The following CYP46A1 variants were observed in gnomAD, a reference collection of about 807,000 sequenced individuals.
CYP46A1 encodes the protein cholesterol 24-hydroxylase.
In CYP46A1, 20 loss-of-function variants were observed where a neutral mutation model predicts 63.3. The ratio of observed to expected loss-of-function variants is 0.32; its 90% CI spans 0.22 to 0.46. The LOEUF (loss-of-function observed/expected upper bound fraction) is 0.46. Ranked by LOEUF, CYP46A1 falls within the 20% of genes least tolerant of loss-of-function variation. The pLI is 1.00. For synonymous variants in CYP46A1, 268 were observed against 273.6 expected, an observed-to-expected ratio of 0.98 and a Z score of 0.20; for missense variants, 445 against 670.8, an observed-to-expected ratio of 0.66 and a Z score of 3.72.
rs1419885751 is a variant in CYP46A1, at chr14:99,715,938, C to T, written c.822C>T (p.Asp274=). The part of the protein sequence containing the change: ...ALKRGEEVPA[D]ILTQILKAEE... ...AGAGGGGCGAGGAGGTTCCTGCCGA[C>T]ATCCTCACACAGATTCTGAAAGGTG... is the stretch of plus-strand genomic sequence containing the variant. The change falls in exon 8 of 15, where the codon GAC becomes GAT. Residue 274 remains aspartate (D), a synonymous_variant. Transcript: ENST00000261835. 6.8e-7 allele frequency: 1 copy of T among 1,473,754 alleles called. No homozygotes were observed. Among genetic ancestry groups the T allele is most frequent in the Non-Finnish European group, 9.2e-7 (1 of 1,091,470 alleles). The allele number at this position is 1,473,754 out of a possible 1,614,324, so 91.3% of individuals were successfully genotyped here. A position where few individuals can be genotyped will look rare whatever the true frequency, so the allele number is the denominator to read the frequency against.
intron 9 of CYP46A1, 34 bp from the exon 10 acceptor site, chr14:99,718,020 C>T (rs758565313): frequency 3.8e-6 from 6 of 1,571,770 alleles, no homozygotes; most frequent in Admixed American, 3.3e-5. Flanking sequence ...CCTGTGGCCC[C>T]ATGTGGAGCA....
At position 99,724,889 on chromosome 14, in the gene CYP46A1, C is replaced by T. The variant is rs143084332; in HGVS notation, c.1177-502C>T. ...CGTCAGCCCCACTCAGGAGGCACCACACGTGCACGTGGAAGGCTGGTGGGG... is the reference window on the plus strand; with the variant it reads ...CGTCAGCCCCACTCAGGAGGCACCATACGTGCACGTGGAAGGCTGGTGGGG... On this transcript the variant is annotated intron_variant, in intron 12 of 14. Transcript: ENST00000261835. Among the ~76,000 whole-genome samples, 163 of 152,340 alleles carry T rather than the reference C, an allele frequency of 1.1e-3. 3 individuals carry two copies. The highest frequency in any genetic ancestry group is 3.4e-3 in the Middle Eastern group (1 of 294).
chr14:99,721,913 C>T (rs372048413), intron 11 of CYP46A1, 43 bp from the exon 12 acceptor site: 17 of 1,528,762 alleles, frequency 1.1e-5, no homozygotes, highest in Non-Finnish European at 1.5e-5. Flanking sequence ...GATCTGTGGC[C>T]TCTCCCGACT....
chr14:99,688,140 T>C (rs1261143346), intron 1 of CYP46A1, among the ~76,000 whole-genome samples: 1 of 151,994 alleles, frequency 6.6e-6, no homozygotes, highest in African/African-American at 2.4e-5. Context: ...CTTAAGTGAC[T>C]CAAAACTGAG....
chr14:99,693,751 T>G (rs2056562837), intron 3 of CYP46A1: 1 of 152,228 alleles, frequency 6.6e-6, no homozygotes, highest in Admixed American at 6.5e-5. Context: ...GGAGTTTTAT[T>G]TGAGGGAAAT....
chr14:99,721,122 A>T (rs2056842353), intron 10 of CYP46A1, 117 bp from the exon 11 acceptor site: 1 of 725,492 alleles, frequency 1.4e-6, no homozygotes, highest in African/African-American at 1.7e-5. Context: ...AGTGTTTGTG[A>T]GTGGGGAGCC....
intron 2 of CYP46A1, chr14:99,691,398 C>T: frequency 3.4e-6 from 2 of 593,194 alleles, no homozygotes; most frequent in East Asian, 5.6e-5. Flanking sequence ...CCTCAGTTTC[C>T]TCATCTGTAA....
At chr14:99,726,023 A>C (rs1001684881) in intron 13 of CYP46A1, among the ~76,000 whole-genome samples, 167 bp from the exon 14 acceptor site, 7 of 152,220 alleles carry the variant, frequency 4.6e-5, no homozygotes, top group Non-Finnish European at 8.8e-5. Context: ...AAGAATGCAG[A>C]TCCAGCCCTC....
intron 3 of CYP46A1, among the ~76,000 whole-genome samples, chr14:99,698,878 T>G (rs1426298337): frequency 6.6e-6 from 1 of 152,194 alleles, no homozygotes; most frequent in Non-Finnish European, 1.5e-5. Context: ...CCGGGGAGTT[T>G]CACAATCCTG....
intron 7 of CYP46A1, chr14:99,707,879 G>GCAATTT: frequency 5.3e-6 from 3 of 567,710 alleles, no homozygotes; most frequent in Non-Finnish European, 6.3e-6. Flanking sequence ...AGTAAATTAG[G>GCAATTT]AGTTAATCTT....
At chr14:99,697,709 C>G (rs1043623853) in intron 3 of CYP46A1, among the ~76,000 whole-genome samples, 7 of 152,094 alleles carry the variant, frequency 4.6e-5, no homozygotes, top group Non-Finnish European at 1.0e-4. Flanking sequence ...GTGTGTGTGA[C>G]CAGAGGAAGC....
chr14:99,724,639 A>C (rs11847982), intron 12 of CYP46A1, among the ~76,000 whole-genome samples: 1 of 152,068 alleles, frequency 6.6e-6, no homozygotes, highest in Non-Finnish European at 1.5e-5. Context: ...AGTGGTGAGC[A>C]TCAGTAGGAT....
chr14:99,722,830 GT>G lies in CYP46A1; in HGVS notation c.1176+767del. On this transcript the variant is annotated intron_variant, in intron 12 of 14. Coordinates refer to ENST00000261835, the MANE Select transcript of CYP46A1 (RefSeq NM_006668.2). This position sits in a 1 kb window ranked among gnomAD's most constrained non-coding sequence, Gnocchi z 4.6. Reference sequence around the variant, plus strand: ...GTGACAGGCATTTGAGAGGTGTCCAGTTTGTCCCTATCTCGAGCACCACAGC... The same window carrying G: ...GTGACAGGCATTTGAGAGGTGTCCAGTTGTCCCTATCTCGAGCACCACAGC... 1 of 426,310 alleles carries G rather than the reference GT, an allele frequency of 2.3e-6. No individual in the cohort carries two copies. The highest frequency in any genetic ancestry group is 7.3e-5 in the East Asian group (1 of 13,734). 26.4% of individuals were successfully genotyped at this position (426,310 alleles called of 1,614,324 possible).
At chr14:99,686,084 C>T (rs1211273856) in intron 1 of CYP46A1, among the ~76,000 whole-genome samples, 2 of 152,138 alleles carry the variant, frequency 1.3e-5, no homozygotes, top group East Asian at 1.9e-4. Context: ...GCTGCATCTC[C>T]GACATGTAGC....
intron 1 of CYP46A1, among the ~76,000 whole-genome samples, chr14:99,685,302 C>A (rs1389893533): frequency 4.8e-5 from 1 of 21,030 alleles, no homozygotes. Context: ...CTTCTCCCAG[C>A]CTCCCCCTCC....
At chr14:99,719,563 G>T (rs568826369) in intron 10 of CYP46A1, among the ~76,000 whole-genome samples, 3 of 151,670 alleles carry the variant, frequency 2.0e-5, no homozygotes, top group South Asian at 4.2e-4. Flanking sequence ...CTGAAAATCT[G>T]TCCGTTCTCG....
chr14:99,707,790 C>G (rs2056692627), intron 7 of CYP46A1, 112 bp downstream of exon 7: 2 of 835,984 alleles, frequency 2.4e-6, no homozygotes, highest in Non-Finnish European at 3.8e-6. Flanking sequence ...GTTTTGAGTT[C>G]TGGTATGTCT....
chr14:99,695,523 T>G (rs575572854), intron 3 of CYP46A1: 1 of 341,962 alleles, frequency 2.9e-6, no homozygotes, highest in Non-Finnish European at 5.9e-6. Flanking sequence ...ATTGACTCTT[T>G]TATCCTTAGA....
Position 99,706,793 on chromosome 14 carries a change from G to T in CYP46A1, c.582+8G>T, listed in dbSNP as rs185410502. 2.0e-5 allele frequency: 32 copies of T among 1,611,764 alleles called. No homozygotes were observed. In the East Asian group the frequency reaches 5.1e-4, roughly 26 times the overall value. On this transcript the variant is annotated splice_region_variant and intron_variant, in intron 6 of 14. Transcript: ENST00000261835. ...ATGGACATCCTGGCCAAGGTGATGG[G>T]TGACAGTCGGGCATGGGGGCCAGGA...
Sources: allele counts gnomAD v4.1 joint callset (sites outside exome capture counted in the v4.1 genomes callset), GRCh38; gene constraint gnomAD v4.1.1; non-coding constraint Gnocchi (gnomAD v3.1); transcripts MANE v1.5; gene names NCBI Gene and HGNC (gene_info 2026-07-23, HGNC 2026-07-21).